The following RBMS3 variants were observed in gnomAD, a reference collection of about 807,000 sequenced individuals.
The protein encoded by RBMS3 is RNA-binding motif, single-stranded-interacting protein 3.
RBMS3 carries 27 observed loss-of-function variants against 66.8 expected under a neutral mutation model. The observed-to-expected ratio is 0.40, with a 90% CI of 0.30 to 0.56. RBMS3 has a LOEUF of 0.56. Ranked by LOEUF, RBMS3 falls within the 20% of genes least tolerant of loss-of-function variation. The pLI, the probability that RBMS3 is intolerant of heterozygous loss-of-function variation, is 0.40. For synonymous variants in RBMS3, 188 were observed against 183.0 expected (o/e 1.03, Z -0.22); for missense variants, 513 against 549.5 (o/e 0.93, Z 0.66).
chr3:29,984,335 C>T (rs1698218165), intron 12 of RBMS3, among the ~76,000 whole-genome samples: 1 of 151,900 alleles, frequency 6.6e-6, no homozygotes, highest in African/African-American at 2.4e-5. Context: ...AGTTTCTTAG[C>T]TTCCTTTCAT....
intron 1 of RBMS3, among the ~76,000 whole-genome samples, chr3:29,329,845 A>T (rs913631321): frequency 3.4e-5 from 5 of 148,018 alleles, no homozygotes; most frequent in Admixed American, 2.7e-4. Context: ...CATGTGAAAA[A>T]TTTTAATATA....
intron 14 of RBMS3, among the ~76,000 whole-genome samples, chr3:29,997,355 A>G (rs987067899): frequency 8.6e-5 from 13 of 150,742 alleles, no homozygotes; most frequent in Non-Finnish European, 1.5e-5. Flanking sequence ...AGGAACTGGT[A>G]CCATTCCTTC....
intron 10 of RBMS3, among the ~76,000 whole-genome samples, chr3:29,906,610 T>C (rs2060384538): frequency 6.6e-6 from 1 of 152,140 alleles, no homozygotes; most frequent in Admixed American, 6.6e-5. Flanking sequence ...CTTTGGTGTA[T>C]AAAAATGTAT....
At chr3:29,952,579 AT>A (rs568267751) in intron 12 of RBMS3, among the ~76,000 whole-genome samples, 226 of 151,562 alleles carry the variant, frequency 1.5e-3, no homozygotes, top group Admixed American at 2.6e-3. Context: ...CTATATACAC[AT>A]TTTTTTTACT....
chr3:29,958,672 C>A (rs35390322), intron 12 of RBMS3, among the ~76,000 whole-genome samples: 11,725 of 152,108 alleles, frequency 0.077, 713 homozygotes, highest in East Asian at 0.18. Flanking sequence ...TCAACCAAGC[C>A]ATTTAGACTT....
intron 1 of RBMS3, among the ~76,000 whole-genome samples, chr3:29,422,794 A>G (rs2040806076): frequency 6.6e-6 from 1 of 152,184 alleles, no homozygotes. Context: ...TGAAGCAATT[A>G]CTTTGCATGT....
rs1395347028 is a variant in RBMS3 at position 30,007,835 on chromosome 3, C to T, written c.*3973C>T. 6.6e-6 allele frequency: 1 copy of T among 152,056 alleles called. No homozygotes were observed. The highest frequency in any genetic ancestry group is 1.5e-5 in the Non-Finnish European group (1 of 67,962). The allele number at this position is 152,056 out of a possible 1,614,324, so 9.4% of individuals were successfully genotyped here. A position where few individuals can be genotyped will look rare whatever the true frequency, so the allele number is the denominator to read the frequency against. On this transcript the variant is annotated 3_prime_UTR_variant, in exon 15 of 15. Transcript: ENST00000383767. ...CCAAATTTCACTTGAATTACTTCCT[C>T]CTGTGACCTTAGCAGATCTGTCACA...
intron 2 of RBMS3, 134 bp from the exon 3 acceptor site, chr3:29,488,307 T>C (rs1242052280): frequency 1.6e-6 from 1 of 634,316 alleles, no homozygotes; most frequent in African/African-American, 1.9e-5. Context: ...CATCCAGGTG[T>C]GAAATGGGAA....
intron 6 of RBMS3, among the ~76,000 whole-genome samples, chr3:29,864,240 G>A (rs2059289210): frequency 6.6e-6 from 1 of 152,144 alleles, no homozygotes; most frequent in Non-Finnish European, 1.5e-5. Flanking sequence ...GAGTGGCAAG[G>A]TAATAGTAAT....
At chr3:29,399,328 T>G (rs989794144) in intron 1 of RBMS3, among the ~76,000 whole-genome samples, 1 of 152,116 alleles carries the variant, frequency 6.6e-6, no homozygotes, top group Non-Finnish European at 1.5e-5. Flanking sequence ...AATTTCAAGG[T>G]GGATTTCAAA....
chr3:29,571,796 CT>C (rs1391795579), intron 3 of RBMS3, among the ~76,000 whole-genome samples: 1 of 152,068 alleles, frequency 6.6e-6, no homozygotes, highest in Non-Finnish European at 1.5e-5. Flanking sequence ...ATTATTTTTG[CT>C]ATTTCTGAGA....
chr3:29,910,987 C>G (rs2060500401), intron 10 of RBMS3, among the ~76,000 whole-genome samples: 3 of 151,926 alleles, frequency 2.0e-5, no homozygotes, highest in East Asian at 3.9e-4. Flanking sequence ...AATTGGTTTC[C>G]CTCCCAATAA....
At chr3:29,880,640 TGTTA>T in intron 7 of RBMS3, 1 of 704,100 alleles carries the variant, frequency 1.4e-6, no homozygotes, top group Non-Finnish European at 2.5e-6. Flanking sequence ...TGTATCCAAG[TGTTA>T]GTTATTGTGC....
chr3:29,939,884 C>T (rs1293355181), intron 11 of RBMS3, among the ~76,000 whole-genome samples: 1 of 151,790 alleles, frequency 6.6e-6, no homozygotes, highest in Non-Finnish European at 1.5e-5. Context: ...TGGAAATCTC[C>T]CTCAGACATC....
chr3:29,298,958 C>T (rs778128072), intron 1 of RBMS3, among the ~76,000 whole-genome samples: 2 of 151,760 alleles, frequency 1.3e-5, no homozygotes, highest in Non-Finnish European at 2.9e-5. Flanking sequence ...AGTTATAACA[C>T]GATTCTTGCC....
At position 29,532,245 on chromosome 3, in the gene RBMS3, T is replaced by C. The variant is rs1184599726; in HGVS notation, c.307+43746T>C. Among the ~76,000 whole-genome samples, 6 of 71,128 alleles carry C rather than the reference T, an allele frequency of 8.4e-5. 1 individual carries two copies. In the East Asian group the frequency reaches 1.9e-3, roughly 22 times the overall value. The allele number at this position is 71,128 out of a possible 152,430, so 46.7% of individuals were successfully genotyped here. A position where few individuals can be genotyped will look rare whatever the true frequency, so the allele number is the denominator to read the frequency against. ...GTCTTATTTTAATTTCGCATATATATGTATATATATATATATGTATATATA... is the reference window on the plus strand; with the variant it reads ...GTCTTATTTTAATTTCGCATATATACGTATATATATATATATGTATATATA... On this transcript the variant is annotated intron_variant, in intron 3 of 14. Transcript: ENST00000383767.
chr3:29,515,230 A>G (rs1423653269), intron 3 of RBMS3, among the ~76,000 whole-genome samples: 2 of 152,236 alleles, frequency 1.3e-5, no homozygotes, highest in African/African-American at 2.4e-5. Flanking sequence ...CAGGGATAGC[A>G]GGAAAAGATT....
At chr3:29,973,943 A>G (rs1697389535) in intron 12 of RBMS3, among the ~76,000 whole-genome samples, 1 of 151,818 alleles carries the variant, frequency 6.6e-6, no homozygotes, top group Non-Finnish European at 1.5e-5. Context: ...TAGATTCCAT[A>G]GTAAAAGATA....
At chr3:29,923,019 G>A (rs1455308281) in intron 10 of RBMS3, among the ~76,000 whole-genome samples, 3 of 152,184 alleles carry the variant, frequency 2.0e-5, no homozygotes, top group Non-Finnish European at 2.9e-5. Flanking sequence ...GCCCACAGAT[G>A]CTATTGCTTC....
Sources: gnomAD v4.1 joint callset for allele counts (sites outside exome capture counted in the v4.1 genomes callset) on GRCh38, gnomAD v4.1.1 for gene constraint, MANE v1.5 for transcripts, NCBI Gene and HGNC (gene_info 2026-07-23, HGNC 2026-07-21) for gene names.